The following FHIT variants were observed in gnomAD, a reference collection of about 807,000 sequenced individuals.
FHIT encodes the protein bis(5'-adenosyl)-triphosphatase.
A neutral mutation model predicts 17.9 loss-of-function variants in FHIT; 19 were observed. The ratio of observed to expected loss-of-function variants is 1.06; its 90% CI spans 0.74 to 1.56. The LOEUF is 1.56. Among genes scored for constraint, FHIT ranks in the 40% most tolerant of loss-of-function variants. The pLI, the probability that FHIT is intolerant of heterozygous loss-of-function variation, is 0.00. For missense variants in FHIT, 248 were observed against 189.2 expected (o/e 1.31, Z -1.82); for synonymous variants, 81 against 69.7 (o/e 1.16, Z -0.81).
At chr3:60,365,142 C>T (rs1477252794) in intron 5 of FHIT, among the ~76,000 whole-genome samples, 1 of 148,736 alleles carries the variant, frequency 6.7e-6, no homozygotes, top group Non-Finnish European at 1.5e-5. Context: ...CCTATATATA[C>T]AGTATATATT....
chr3:60,548,038 A>T (rs192629187), intron 4 of FHIT, among the ~76,000 whole-genome samples: 2 of 152,246 alleles, frequency 1.3e-5, no homozygotes, highest in South Asian at 4.2e-4. Flanking sequence ...CATTTGAGTC[A>T]GTGGGCTGGG....
chr3:60,446,163 A>G (rs1007704932), intron 5 of FHIT, among the ~76,000 whole-genome samples: 1 of 152,042 alleles, frequency 6.6e-6, no homozygotes, highest in Non-Finnish European at 1.5e-5. Context: ...AACTGCAACT[A>G]ATTAGCTTCA....
At chr3:60,603,943 A>G (rs2038525907) in intron 4 of FHIT, among the ~76,000 whole-genome samples, 1 of 152,134 alleles carries the variant, frequency 6.6e-6, no homozygotes, top group African/African-American at 2.4e-5. Flanking sequence ...TTGTTATTTA[A>G]TTCTCACAGT....
chr3:60,601,628 G>T (rs2038448230), intron 4 of FHIT, among the ~76,000 whole-genome samples: 1 of 152,082 alleles, frequency 6.6e-6, no homozygotes, highest in Non-Finnish European at 1.5e-5. Context: ...TAAAAGGCAT[G>T]ACTACCATGC....
At chr3:61,033,653 T>G (rs2107672599) in intron 3 of FHIT, among the ~76,000 whole-genome samples, 1 of 152,332 alleles carries the variant, frequency 6.6e-6, no homozygotes. Flanking sequence ...CTCCAGTATG[T>G]ATACAGACCC....
chr3:60,459,337 T>C (rs2032315487), intron 5 of FHIT, among the ~76,000 whole-genome samples: 1 of 152,174 alleles, frequency 6.6e-6, no homozygotes, highest in Non-Finnish European at 1.5e-5. Flanking sequence ...GGTATAAAGA[T>C]AGTATACACC....
At chr3:60,270,964 C>A (rs1253382139) in intron 5 of FHIT, among the ~76,000 whole-genome samples, 2 of 152,074 alleles carry the variant, frequency 1.3e-5, no homozygotes, top group Admixed American at 1.3e-4. Flanking sequence ...CTAGATAAAC[C>A]GAAATCAGTA....
chr3:59,974,542 C>T (rs984496436), intron 7 of FHIT, among the ~76,000 whole-genome samples: 6 of 152,152 alleles, frequency 3.9e-5, no homozygotes, highest in African/African-American at 1.2e-4. Flanking sequence ...ATCTGTCTTG[C>T]ATTTCCTTGT....
At chr3:60,988,946 T>TTAAAAAA (rs1559890541) in intron 3 of FHIT, among the ~76,000 whole-genome samples, 1 of 34,324 alleles carries the variant, frequency 2.9e-5, no homozygotes, top group Non-Finnish European at 4.9e-5. Flanking sequence ...ATGGCTTTGT[T>TTAAAAAA]AAAAAAAAAA....
chr3:60,565,042 CA>C (rs1288161431), intron 4 of FHIT, among the ~76,000 whole-genome samples: 1 of 152,118 alleles, frequency 6.6e-6, no homozygotes, highest in Non-Finnish European at 1.5e-5. Context: ...CAGCAACCAC[CA>C]CCATGATCAG....
chr3:61,232,107 G>A (rs1016516777), intron 1 of FHIT, among the ~76,000 whole-genome samples: 1 of 152,192 alleles, frequency 6.6e-6, no homozygotes, highest in Non-Finnish European at 1.5e-5. Context: ...ATGGGGGCCG[G>A]GCATGGTGGC....
At chr3:60,009,656 TATG>T (rs1359709167) in intron 7 of FHIT, among the ~76,000 whole-genome samples, 1 of 152,212 alleles carries the variant, frequency 6.6e-6, no homozygotes, top group African/African-American at 2.4e-5. Flanking sequence ...ATAATTCAAA[TATG>T]ATAAAATTCA....
chr3:60,992,071 A>G (rs1473800043), intron 3 of FHIT, among the ~76,000 whole-genome samples: 1 of 152,244 alleles, frequency 6.6e-6, no homozygotes, highest in Non-Finnish European at 1.5e-5. Flanking sequence ...ATGAATCTTG[A>G]TATCATGGAT....
At chr3:60,731,241 G>T (rs7619756) in intron 4 of FHIT, among the ~76,000 whole-genome samples, 3 of 151,738 alleles carry the variant, frequency 2.0e-5, no homozygotes, top group Non-Finnish European at 4.4e-5. Flanking sequence ...CAGTGAATCT[G>T]TATGGGTCTG....
intron 2 of FHIT, among the ~76,000 whole-genome samples, chr3:61,059,655 G>A (rs1342062009): frequency 1.3e-5 from 2 of 152,148 alleles, no homozygotes; most frequent in Admixed American, 6.5e-5. Flanking sequence ...GAAAACAACT[G>A]ATGATTGTCT....
chr3:59,858,233 CTTCTT>C (rs1346242634), intron 8 of FHIT, among the ~76,000 whole-genome samples: 3 of 131,972 alleles, frequency 2.3e-5, no homozygotes, highest in Non-Finnish European at 3.2e-5. Flanking sequence ...CTTTTCCCAC[CTTCTT>C]TTTTTTTTTT....
At chr3:59,897,234 T>C (rs1355966880) in intron 8 of FHIT, among the ~76,000 whole-genome samples, 2 of 152,202 alleles carry the variant, frequency 1.3e-5, no homozygotes, top group East Asian at 3.8e-4. Flanking sequence ...AGAAACTGAA[T>C]TTTGCAAAGC....
chr3:60,106,442 G>A (rs754561296), intron 5 of FHIT, among the ~76,000 whole-genome samples: 4 of 152,164 alleles, frequency 2.6e-5, no homozygotes, highest in Admixed American at 6.5e-5. Context: ...TTCAACCACA[G>A]TTCATGATAA....
At chr3:61,135,887 T>A (rs1369633301) in intron 2 of FHIT, among the ~76,000 whole-genome samples, 1 of 152,026 alleles carries the variant, frequency 6.6e-6, no homozygotes, top group African/African-American at 2.4e-5. Context: ...ACAGAGCTAG[T>A]TGAAGTCAAA....
Sources: gnomAD v4.1 joint callset for allele counts (sites outside exome capture counted in the v4.1 genomes callset) on GRCh38, gnomAD v4.1.1 for gene constraint, MANE v1.5 for transcripts, NCBI Gene and HGNC (gene_info 2026-07-23, HGNC 2026-07-21) for gene names.